The following UCK1 variants were observed in gnomAD, a reference collection of about 807,000 sequenced individuals.
UCK1 encodes the protein uridine-cytidine kinase 1.
Under a neutral mutation model 34.0 loss-of-function variants are expected in UCK1, and 20 were observed. The ratio of observed to expected loss-of-function variants is 0.59; its 90% CI spans 0.41 to 0.86. The LOEUF is 0.86. UCK1 is among the 40% of genes least tolerant of loss of function. The probability of loss-of-function intolerance (pLI) is 0.00; values close to 1 mark genes in which losing one functional copy is unlikely to be tolerated. For synonymous variants in UCK1, 168 were observed against 155.9 expected (o/e 1.08, Z -0.58); for missense variants, 343 against 383.6 (o/e 0.89, Z 0.88).
intron 2 of UCK1, 74 bp downstream of exon 2, chr9:131,530,412 G>A (rs1277218071): frequency 3.2e-6 from 5 of 1,575,864 alleles, no homozygotes; most frequent in Non-Finnish European, 8.7e-7. Flanking sequence ...TCCAACCTTG[G>A]GCCCAAGCGC....
chr9:131,525,210 G>C lies in UCK1; in HGVS notation c.664C>G (p.Leu222Val). The C allele has an allele frequency of 1.2e-6, 2 of 1,613,918 alleles. No individual in the cohort carries two copies. Among genetic ancestry groups the C allele is most frequent in the Admixed American group, 3.3e-5 (2 of 60,020 alleles). Residue 222 changes from leucine to valine, a missense_variant, in exon 7 of 7, where the codon CTG (leucine) becomes GTG (valine). Coordinates refer to ENST00000372215, the MANE Select transcript of UCK1 (RefSeq NM_031432.5). ...RGVDNMVAIN[L>V]IVQHIQDILN... ...ATGTCCTGGATGTGCTGCACGATCA[G>C]GTTGATGGCAACTGCGCCAAGAGAC...
intron 3 of UCK1, 63 bp from the exon 4 acceptor site, chr9:131,529,333 G>C (rs1950738690): frequency 1.2e-6 from 2 of 1,608,616 alleles, no homozygotes; most frequent in South Asian, 2.2e-5. Context: ...CACACACACA[G>C]TCAGCTTCCA....
At chr9:131,528,064 C>T (rs917698720) in intron 5 of UCK1, among the ~76,000 whole-genome samples, 5 of 152,008 alleles carry the variant, frequency 3.3e-5, no homozygotes, top group Non-Finnish European at 7.4e-5. Flanking sequence ...ATCCCAGCTA[C>T]TCGGAAGGGT....
chr9:131,531,171 C>G lies in UCK1; in HGVS notation c.4G>C (p.Ala2Pro), dbSNP rs1950830652. Residue 2 changes from alanine to proline, a missense_variant, in exon 1 of 7, where the codon GCT (alanine) becomes CCT (proline). Physicochemically the swap from Ala to Pro is conservative, Grantham distance 27 (BLOSUM62 -1). Coordinates refer to ENST00000372215, the MANE Select transcript of UCK1 (RefSeq NM_031432.5). Reference sequence around the variant, plus strand: ...TCGCAGTCTTCGCCTCCCGCCGAAGCCATCTCGGCCTCCGCTCCCGCGCAT... The same window carrying G: ...TCGCAGTCTTCGCCTCCCGCCGAAGGCATCTCGGCCTCCGCTCCCGCGCAT... The part of the protein sequence containing the change: M[A>P]SAGGEDCESP... 7.1e-7 allele frequency: 1 copy of G among 1,415,310 alleles called. No homozygotes were observed. The highest frequency in any genetic ancestry group is 1.4e-5 in the South Asian group (1 of 69,812). 87.7% of individuals were successfully genotyped at this position (1,415,310 alleles called of 1,614,324 possible). A position where few individuals can be genotyped will look rare whatever the true frequency, so the allele number is the denominator to read the frequency against.
At chr9:131,527,154 C>CAA (rs34625466) in intron 5 of UCK1, among the ~76,000 whole-genome samples, 47 of 126,752 alleles carry the variant, frequency 3.7e-4, no homozygotes, top group Non-Finnish European at 5.2e-4. Context: ...CCCGTCTGTG[C>CAA]AAAAAAAAAA....
In UCK1 at chr9:131,531,207, CG is replaced by C; in HGVS notation, c.-34del. ...TCCGCTCCCGCGCATCGGGTCCCCGCGCCCGCCCCTTCCCCAGGCCCGGCGC... is the reference window on the plus strand; with the variant it reads ...TCCGCTCCCGCGCATCGGGTCCCCGCCCCGCCCCTTCCCCAGGCCCGGCGC... On this transcript the variant is annotated 5_prime_UTR_variant, in exon 1 of 7. Coordinates refer to ENST00000372215, the MANE Select transcript of UCK1 (RefSeq NM_031432.5). 7.3e-7 allele frequency: 1 copy of C among 1,362,410 alleles called. No individual in the cohort carries two copies. The highest frequency in any genetic ancestry group is 9.5e-7 in the Non-Finnish European group (1 of 1,057,476). The allele number at this position is 1,362,410 out of a possible 1,614,324, so 84.4% of individuals were successfully genotyped here.
At chr9:131,528,482 G>A (rs1950695840) in intron 5 of UCK1, among the ~76,000 whole-genome samples, 1 of 152,200 alleles carries the variant, frequency 6.6e-6, no homozygotes, top group South Asian at 2.1e-4. Context: ...AGACCCTGGA[G>A]GAGCAGCTCT....
chr9:131,524,975 T>A lies in UCK1; in HGVS notation c.*65A>T. On this transcript the variant is annotated 3_prime_UTR_variant, in exon 7 of 7. Coordinates refer to ENST00000372215, the MANE Select transcript of UCK1 (RefSeq NM_031432.5). Reference sequence around the variant, plus strand: ...AGGAAGCAGTGGGTGTGGGTGGGCGTCCCCAGGCTCAGTCCCTGAACACAC... The same window carrying A: ...AGGAAGCAGTGGGTGTGGGTGGGCGACCCCAGGCTCAGTCCCTGAACACAC... 6.4e-7 allele frequency: 1 copy of A among 1,551,982 alleles called. No individual in the cohort carries two copies. Among genetic ancestry groups the A allele is most frequent in the African/African-American group, 1.4e-5 (1 of 73,244 alleles).
At chr9:131,526,004 TG>T (rs1215422693) in intron 5 of UCK1, 27 bp from the exon 6 acceptor site, 2 of 1,613,724 alleles carry the variant, frequency 1.2e-6, no homozygotes, top group Admixed American at 1.7e-5. Flanking sequence ...GGGGTGTTCC[TG>T]TGAGGACTTT....
At chr9:131,528,821 C>T in intron 5 of UCK1, 123 bp downstream of exon 5, 2 of 1,263,306 alleles carry the variant, frequency 1.6e-6, no homozygotes, top group South Asian at 2.9e-5. Context: ...CATAATGAGC[C>T]AAATTCTTCT....
intron 6 of UCK1, among the ~76,000 whole-genome samples, 176 bp from the exon 7 acceptor site, chr9:131,525,397 A>G (rs1207266756): frequency 6.6e-6 from 1 of 152,266 alleles, no homozygotes; most frequent in Non-Finnish European, 1.5e-5. Context: ...GGACACAGCA[A>G]AATAAGACTT....
chr9:131,526,222 C>T, intron 5 of UCK1: 1 of 659,104 alleles, frequency 1.5e-6, no homozygotes, highest in South Asian at 1.9e-5. Context: ...TGTCCCCATT[C>T]CATCACAGAA....
rs147236184 is a variant in UCK1 at position 131,525,297 on chromosome 9, G to A, written c.653-76C>T. 1.8e-4 allele frequency: 285 copies of A among 1,587,010 alleles called. No individual in the cohort carries two copies. The East Asian group carries it at 3.5e-3, about 19-fold the overall frequency. ...GAGACCGCCCCTCCCCGCAGCACTC[G>A]GCCAGGAGTGAGCGCCCAACCTCTG... On this transcript the variant is annotated intron_variant, in intron 6 of 6. Transcript: ENST00000372215.
Position 131,530,538 on chromosome 9 carries a change from C to T in UCK1, c.216G>A (p.Thr72=), listed in dbSNP as rs1950793454. 6 of 1,614,270 alleles carry T rather than the reference C, an allele frequency of 3.7e-6. No homozygotes were observed. The highest frequency in any genetic ancestry group is 5.1e-6 in the Non-Finnish European group (6 of 1,180,044). The change falls in exon 2 of 7, where the codon ACG becomes ACA. Residue 72 remains threonine, a synonymous_variant. Transcript: ENST00000372215. ...TCAAGGCCTTGGCCTTCTGCTCTGCCGTCAGGACCTTGTAGAACCTGTCCT... is the reference window on the plus strand; with the variant it reads ...TCAAGGCCTTGGCCTTCTGCTCTGCTGTCAGGACCTTGTAGAACCTGTCCT... ...LSQDRFYKVL[T]AEQKAKALKG... is the part of the protein sequence containing the mutation.
chr9:131,525,354 G>A lies in UCK1; in HGVS notation c.653-133C>T, dbSNP rs993700613. On this transcript the variant is annotated intron_variant, in intron 6 of 6. Transcript: ENST00000372215. ...GGCACAGCCTGCGGCGAGGGGCATC[G>A]AGTCAAATCTCAGCAGACAGAAACA... 3.3e-5 allele frequency: 34 copies of A among 1,044,546 alleles called. No individual in the cohort carries two copies. In the African/African-American group the frequency reaches 3.5e-4, roughly 11 times the overall value. The allele number at this position is 1,044,546 out of a possible 1,614,324, so 64.7% of individuals were successfully genotyped here.
intron 5 of UCK1, among the ~76,000 whole-genome samples, chr9:131,527,481 T>C (rs1363901050): frequency 2.0e-5 from 3 of 152,198 alleles, no homozygotes; most frequent in Non-Finnish European, 2.9e-5. Flanking sequence ...CAAATATCTT[T>C]CTGTGAATGA....
intron 3 of UCK1, 58 bp downstream of exon 3, chr9:131,529,430 C>A: frequency 6.2e-7 from 1 of 1,610,458 alleles, no homozygotes; most frequent in Non-Finnish European, 8.5e-7. Flanking sequence ...CTGTGTGAGC[C>A]CGAGGGGACG....
chr9:131,529,094 G>C, intron 4 of UCK1, 34 bp downstream of exon 4: 1 of 1,613,326 alleles, frequency 6.2e-7, no homozygotes, highest in Non-Finnish European at 8.5e-7. Context: ...GCCAGCCTCG[G>C]CCAGGCAGGC....
At chr9:131,530,351 C>G in intron 2 of UCK1, 135 bp downstream of exon 2, 1 of 1,059,856 alleles carries the variant, frequency 9.4e-7, no homozygotes, top group South Asian at 1.4e-5. Flanking sequence ...GCCAACTCCA[C>G]TGCAGGCTGC....
Sources: allele counts gnomAD v4.1 joint callset (sites outside exome capture counted in the v4.1 genomes callset), GRCh38; gene constraint gnomAD v4.1.1; transcripts MANE v1.5; gene names NCBI Gene and HGNC (gene_info 2026-07-23, HGNC 2026-07-21).